EDN3: variants seen among roughly 807,000 people sequenced by gnomAD.
The protein encoded by EDN3 is endothelin-3.
Under a neutral mutation model 21.4 loss-of-function variants are expected in EDN3, and 9 were observed. The ratio of observed to expected loss-of-function variants is 0.42; its 90% confidence interval spans 0.25 to 0.73. The LOEUF (loss-of-function observed/expected upper bound fraction) is 0.73, where lower values mean the gene tolerates loss of function less well. Among genes scored for constraint, EDN3 ranks in the 30% least tolerant of loss-of-function variants. EDN3 has a pLI of 0.26. For synonymous variants in EDN3, 133 were observed against 126.2 expected, an observed-to-expected ratio of 1.05 and a Z score of -0.36; for missense variants, 327 against 309.4, an observed-to-expected ratio of 1.06 and a Z score of -0.43.
intron 4 of EDN3, chr20:59,323,805 C>T (rs1350554370): frequency 1.4e-5 from 6 of 436,720 alleles, no homozygotes; most frequent in South Asian, 8.5e-5. Context: ...AGAAGCACAC[C>T]GGTCCTTTTG....
chr20:59,324,598 A>G lies in EDN3; in HGVS notation c.*139A>G. The G allele has an allele frequency of 2.3e-6, 2 of 867,246 alleles. No individual in the cohort carries two copies. Among genetic ancestry groups the G allele is most frequent in the South Asian group, 1.8e-5 (1 of 56,776 alleles). The allele number at this position is 867,246 out of a possible 1,614,324, so 53.7% of individuals were successfully genotyped here. A position where few individuals can be genotyped will look rare whatever the true frequency, so the allele number is the denominator to read the frequency against. On this transcript the variant is annotated 3_prime_UTR_variant, in exon 5 of 5. Transcript: ENST00000337938. Reference sequence around the variant, plus strand: ...ACCCAAAGAGTCCCCACTTAACAATACCCCCCCCCCACGGCAAGAATGCCC... The same window carrying G: ...ACCCAAAGAGTCCCCACTTAACAATGCCCCCCCCCCACGGCAAGAATGCCC...
chr20:59,322,299 C>A lies in EDN3; in HGVS notation c.543-73C>A. 2 of 1,552,748 alleles carry A rather than the reference C, an allele frequency of 1.3e-6. No homozygotes were observed. The highest frequency in any genetic ancestry group is 2.2e-5 in the South Asian group (2 of 89,628). The stretch of plus-strand genomic sequence containing the variant: ...TGCTCATTGGTGGGGAAGAGGAAGT[C>A]ATAATTTGACACCGAAAAACCAGCC... On this transcript the variant is annotated intron_variant, in intron 3 of 4. Transcript: ENST00000337938. The surrounding 1 kb of genome is among the most constrained non-coding windows in gnomAD (Gnocchi z 4.1).
At chr20:59,304,347 C>T (rs535455927) in intron 2 of EDN3, among the ~76,000 whole-genome samples, 1 of 152,206 alleles carries the variant, frequency 6.6e-6, no homozygotes, top group Non-Finnish European at 1.5e-5. Flanking sequence ...ATCACAACCC[C>T]ACCTGTCACA....
chr20:59,303,065 C>T (rs1296517780), intron 2 of EDN3, among the ~76,000 whole-genome samples: 2 of 152,228 alleles, frequency 1.3e-5, no homozygotes, highest in South Asian at 2.1e-4. Flanking sequence ...CAGCAGGACA[C>T]GTGCACAAAG....
intron 2 of EDN3, among the ~76,000 whole-genome samples, chr20:59,308,699 A>G (rs553768136): frequency 2.0e-5 from 3 of 152,184 alleles, no homozygotes; most frequent in African/African-American, 4.8e-5. Context: ...TAAACACTCA[A>G]CGTCTTGAAG....
intron 2 of EDN3, among the ~76,000 whole-genome samples, chr20:59,307,823 C>A (rs373274387): frequency 6.6e-6 from 1 of 151,468 alleles, no homozygotes; most frequent in African/African-American, 2.4e-5. Context: ...ACCACAGGTG[C>A]GTGTCACCAT....
intron 4 of EDN3, among the ~76,000 whole-genome samples, chr20:59,323,334 C>T (rs1990660694): frequency 6.6e-6 from 1 of 152,142 alleles, no homozygotes. Context: ...TTTTTCTCTT[C>T]CTCACCCCAA....
intron 2 of EDN3, among the ~76,000 whole-genome samples, chr20:59,312,414 A>G (rs531884334): frequency 5.9e-5 from 9 of 152,120 alleles, no homozygotes; most frequent in Non-Finnish European, 1.2e-4. Context: ...CATAACAAAA[A>G]CCAGAGGTAT....
At chr20:59,306,479 C>A (rs1309304152) in intron 2 of EDN3, among the ~76,000 whole-genome samples, 1 of 151,816 alleles carries the variant, frequency 6.6e-6, no homozygotes, top group Non-Finnish European at 1.5e-5. Context: ...CTGATCAGCT[C>A]CTATCAAGAT....
At chr20:59,307,132 A>G (rs1320022297) in intron 2 of EDN3, among the ~76,000 whole-genome samples, 1 of 152,118 alleles carries the variant, frequency 6.6e-6, no homozygotes, top group East Asian at 1.9e-4. Flanking sequence ...GTGACAGACC[A>G]AGATTCCATC....
At position 59,315,510 on chromosome 20, in the gene EDN3, A is replaced by G. The variant is rs576849688; in HGVS notation, c.366-5507A>G. Among the ~76,000 whole-genome samples, 76 of 152,318 alleles carry G rather than the reference A, an allele frequency of 5.0e-4. No homozygotes were observed. In the South Asian group the frequency reaches 0.016, roughly 32 times the overall value. On this transcript the variant is annotated intron_variant, in intron 2 of 4. Transcript: ENST00000337938. ...AACATGTTCTATTTGTTGGGGAGAC[A>G]CTCAAGTCACCAGCTGGGCTTTTTA...
chr20:59,313,658 C>A (rs1195011859), intron 2 of EDN3, among the ~76,000 whole-genome samples: 1 of 152,170 alleles, frequency 6.6e-6, no homozygotes, highest in Non-Finnish European at 1.5e-5. Context: ...GGACTTCCCA[C>A]CTTGTGGGGT....
At chr20:59,304,954 G>A (rs971763030) in intron 2 of EDN3, among the ~76,000 whole-genome samples, 1 of 152,120 alleles carries the variant, frequency 6.6e-6, no homozygotes, top group African/African-American at 2.4e-5. Flanking sequence ...CTTTGCTGTT[G>A]CTGAGCCCCT....
At chr20:59,309,402 A>G (rs1989646839) in intron 2 of EDN3, among the ~76,000 whole-genome samples, 1 of 152,116 alleles carries the variant, frequency 6.6e-6, no homozygotes, top group Admixed American at 6.6e-5. Flanking sequence ...CTCACTTCTG[A>G]CTTCACCCAG....
rs1568823467 is a variant in EDN3 at position 59,301,614 on chromosome 20, A to AG, written c.262dup (p.Ala88GlyfsTer3). 6.2e-7 allele frequency: 1 copy of AG among 1,614,042 alleles called. No individual in the cohort carries two copies. The highest frequency in any genetic ancestry group is 8.5e-7 in the Non-Finnish European group (1 of 1,179,976). On this transcript the variant is annotated frameshift_variant, in exon 2 of 5. Transcript: ENST00000337938. LOFTEE classifies it high-confidence loss of function. ...AGCCCTGGGCAGGAGCAGGCGGCCG[A>AG]GGGGGCCCCTGAGCACCACCGATCC...
At chr20:59,316,444 C>T (rs534157649) in intron 2 of EDN3, among the ~76,000 whole-genome samples, 32 of 152,306 alleles carry the variant, frequency 2.1e-4, no homozygotes, top group African/African-American at 7.0e-4. Flanking sequence ...GTTTGATAAG[C>T]TTTCCTAAGA....
In EDN3 at chr20:59,324,909, T is replaced by C. The variant is rs546331828; in HGVS notation, c.*450T>C. On this transcript the variant is annotated 3_prime_UTR_variant, in exon 5 of 5. Coordinates refer to ENST00000337938, the MANE Select transcript of EDN3 (RefSeq NM_207034.3). ...CTTGCCTAGAATAGGCTGCATGGTGTATGTCAGTGAGGGCCACGAGGCGTC... is the reference window on the plus strand; with the variant it reads ...CTTGCCTAGAATAGGCTGCATGGTGCATGTCAGTGAGGGCCACGAGGCGTC... The C allele has an allele frequency of 1.4e-4, 37 of 258,200 alleles. No individual in the cohort carries two copies. In the South Asian group the frequency reaches 1.9e-3, roughly 13 times the overall value. The allele number at this position is 258,200 out of a possible 1,614,324, so 16.0% of individuals were successfully genotyped here. A position where few individuals can be genotyped will look rare whatever the true frequency, so the allele number is the denominator to read the frequency against.
intron 2 of EDN3, among the ~76,000 whole-genome samples, chr20:59,320,017 T>C (rs1990426852): frequency 1.3e-5 from 2 of 152,360 alleles, no homozygotes; most frequent in African/African-American, 4.8e-5. Flanking sequence ...AGGCACCCCC[T>C]TTTTCTCTGG....
At chr20:59,313,680 C>T (rs543841142) in intron 2 of EDN3, among the ~76,000 whole-genome samples, 15 of 152,298 alleles carry the variant, frequency 9.8e-5, no homozygotes, top group East Asian at 1.9e-4. Flanking sequence ...GTGGGATGAA[C>T]GGTCTGCCTT....
Sources: allele counts gnomAD v4.1 joint callset (sites outside exome capture counted in the v4.1 genomes callset), GRCh38; gene constraint gnomAD v4.1.1; non-coding constraint Gnocchi (gnomAD v3.1); transcripts MANE v1.5; gene names NCBI Gene and HGNC (gene_info 2026-07-23, HGNC 2026-07-21).